IL4R: variants seen among roughly 807,000 people sequenced by gnomAD.
IL4R encodes interleukin 4 receptor.
In IL4R, 17 loss-of-function variants were observed where a neutral mutation model predicts 41.5. The observed-to-expected ratio is 0.41, with a 90% CI of 0.28 to 0.61. The LOEUF (loss-of-function observed/expected upper bound fraction) is 0.61. Among genes scored for constraint, IL4R ranks in the 20% least tolerant of loss-of-function variants. The probability of loss-of-function intolerance (pLI) is 0.31; values close to 1 mark genes in which losing one functional copy is unlikely to be tolerated. For synonymous variants in IL4R, 402 were observed against 422.9 expected (o/e 0.95, Z 0.61); for missense variants, 974 against 1,043.1 (o/e 0.93, Z 0.91).
At chr16:27,328,971 T>C in intron 1 of IL4R, among the ~76,000 whole-genome samples, 1 of 152,170 alleles carries the variant, frequency 6.6e-6, no homozygotes, top group Non-Finnish European at 1.5e-5. Context: ...ATAGTTGGGA[T>C]GTCATCCTCT....
At chr16:27,359,684 G>T (rs900682223) in intron 9 of IL4R, 5 of 411,318 alleles carry the variant, frequency 1.2e-5, no homozygotes, top group Non-Finnish European at 2.0e-5. Context: ...TTAATTCTCT[G>T]AGCCTCAGTT....
chr16:27,359,028 T>C (rs368720778), intron 9 of IL4R, 34 bp downstream of exon 9: 94 of 1,515,902 alleles, frequency 6.2e-5, no homozygotes, highest in Admixed American at 4.2e-4. Flanking sequence ...CATGTGGGAC[T>C]GTGTACATGA....
At chr16:27,343,185 G>A (rs1321022567) in intron 4 of IL4R, among the ~76,000 whole-genome samples, 6 of 152,158 alleles carry the variant, frequency 3.9e-5, no homozygotes, top group Admixed American at 2.0e-4. Context: ...GGCAGACTGG[G>A]GATATACGGC....
rs138275403 is a variant in IL4R at position 27,340,477 on chromosome 16, C to G, written c.70+204C>G. Among the ~76,000 whole-genome samples, 1,052 of 152,242 alleles carry G rather than the reference C, an allele frequency of 6.9e-3. 14 individuals carry two copies. The highest frequency in any genetic ancestry group is 0.024 in the African/African-American group (980 of 41,518). ...GTGGCTCACACCTGTAATCCCAGCA[C>G]TTCAGGAGGCCGAGGCAGGAGGATC... On this transcript the variant is annotated intron_variant, in intron 3 of 10. Coordinates refer to ENST00000395762, the MANE Select transcript of IL4R (RefSeq NM_000418.4).
intron 2 of IL4R, among the ~76,000 whole-genome samples, chr16:27,339,955 G>A (rs2141124808): frequency 1.3e-5 from 2 of 152,320 alleles, no homozygotes; most frequent in South Asian, 4.1e-4. Context: ...TACTCGGGAG[G>A]CTGAGGCAGA....
intron 1 of IL4R, 92 bp from the exon 2 acceptor site, chr16:27,329,974 G>C (rs1236585798): frequency 6.6e-6 from 1 of 152,084 alleles, no homozygotes; most frequent in Non-Finnish European, 1.5e-5. Flanking sequence ...GATTGCAGAA[G>C]AGGGAGAGGG....
At chr16:27,339,741 G>C (rs1370219154) in intron 2 of IL4R, among the ~76,000 whole-genome samples, 3 of 152,072 alleles carry the variant, frequency 2.0e-5, no homozygotes, top group Non-Finnish European at 4.4e-5. Flanking sequence ...TGGAGGACCT[G>C]TTGTCGGCAG....
intron 4 of IL4R, among the ~76,000 whole-genome samples, chr16:27,344,335 C>T (rs2085548376): frequency 6.9e-6 from 1 of 145,364 alleles, no homozygotes; most frequent in Non-Finnish European, 1.5e-5. Context: ...AAACAAAAAA[C>T]TCGTACCCCC....
chr16:27,327,365 T>C (rs2084985296), intron 1 of IL4R, among the ~76,000 whole-genome samples: 1 of 152,116 alleles, frequency 6.6e-6, no homozygotes, highest in African/African-American at 2.4e-5. Context: ...GCTGGGTCGC[T>C]TCCAGGCTGC....
At chr16:27,341,260 C>G (rs1304351702) in intron 3 of IL4R, 4 of 641,742 alleles carry the variant, frequency 6.2e-6, no homozygotes, top group Non-Finnish European at 1.1e-5. Context: ...ACCTAAACTA[C>G]TGGGAAGGAC....
At chr16:27,359,989 C>T (rs886553891) in intron 9 of IL4R, among the ~76,000 whole-genome samples, 1 of 150,870 alleles carries the variant, frequency 6.6e-6, no homozygotes, top group Non-Finnish European at 1.5e-5. Flanking sequence ...TCCCCGTAGC[C>T]TCCCTCCGTG....
chr16:27,323,542 C>T (rs1302995622), intron 1 of IL4R, among the ~76,000 whole-genome samples: 1 of 152,218 alleles, frequency 6.6e-6, no homozygotes, highest in African/African-American at 2.4e-5. Context: ...AGGCAGGTTC[C>T]TGACCCTCTC....
chr16:27,315,229 G>C (rs184863949), intron 1 of IL4R, among the ~76,000 whole-genome samples: 55 of 152,338 alleles, frequency 3.6e-4, no homozygotes, highest in Admixed American at 2.9e-3. Flanking sequence ...GGGGAAACAG[G>C]CTCAGGTGTA....
At chr16:27,329,911 A>G (rs909916643) in intron 1 of IL4R, among the ~76,000 whole-genome samples, 155 bp from the exon 2 acceptor site, 1 of 151,918 alleles carries the variant, frequency 6.6e-6, no homozygotes, top group Non-Finnish European at 1.5e-5. Flanking sequence ...TCTGGTGCAA[A>G]TGCTTGGAAA....
intron 4 of IL4R, among the ~76,000 whole-genome samples, chr16:27,343,414 TG>T (rs2085507641): frequency 2.7e-5 from 4 of 148,894 alleles, no homozygotes; most frequent in Admixed American, 6.7e-5. Context: ...TTATGTTTTT[TG>T]TTTGTTTGTT....
intron 2 of IL4R, among the ~76,000 whole-genome samples, chr16:27,331,016 A>C (rs2141094311): frequency 6.6e-6 from 1 of 152,056 alleles, no homozygotes; most frequent in East Asian, 1.9e-4. Flanking sequence ...AGGCAGGGTG[A>C]GCCTCATCTG....
chr16:27,359,674 T>C (rs1472852863), intron 9 of IL4R: 8 of 405,586 alleles, frequency 2.0e-5, no homozygotes, highest in Non-Finnish European at 4.1e-5. Context: ...AGCAAGTTGC[T>C]TAATTCTCTG....
chr16:27,340,853 A>T (rs2085419436), intron 3 of IL4R, among the ~76,000 whole-genome samples: 1 of 152,186 alleles, frequency 6.6e-6, no homozygotes, highest in South Asian at 2.1e-4. Context: ...GACTTGGAGG[A>T]AGCGGGAACC....
chr16:27,354,805 A>G (rs3024630), intron 7 of IL4R, among the ~76,000 whole-genome samples: 12,466 of 152,280 alleles, frequency 0.082, 602 homozygotes, highest in Middle Eastern at 0.11. Flanking sequence ...AGCATTGCTC[A>G]TCCTGCACTG....
Sources: allele counts gnomAD v4.1 joint callset (sites outside exome capture counted in the v4.1 genomes callset), GRCh38; gene constraint gnomAD v4.1.1; transcripts MANE v1.5; gene names NCBI Gene and HGNC (gene_info 2026-07-23, HGNC 2026-07-21).